Variants in SLC38A10 observed in about 807,000 individuals in gnomAD.
The protein encoded by SLC38A10 is solute carrier family 38 member 10.
In SLC38A10, 53 loss-of-function variants were observed where a neutral mutation model predicts 81.0. The ratio of observed to expected loss-of-function variants is 0.65; its 90% CI spans 0.53 to 0.82. The LOEUF (loss-of-function observed/expected upper bound fraction) is 0.82, where lower values mean the gene tolerates loss of function less well. SLC38A10 is among the 40% of genes least tolerant of loss of function. The pLI is 0.00. For missense variants in SLC38A10, 1,471 were observed against 1,545.0 expected (o/e 0.95, Z 0.80); for synonymous variants, 665 against 655.3 (o/e 1.01, Z -0.23).
chr17:81,254,848 C>G (rs905220295), intron 11 of SLC38A10, among the ~76,000 whole-genome samples: 3 of 151,814 alleles, frequency 2.0e-5, no homozygotes, highest in Non-Finnish European at 4.4e-5. Context: ...CATGCGGAAA[C>G]AAGCCATAAC....
At chr17:81,275,740 A>G (rs1405667457) in intron 8 of SLC38A10, among the ~76,000 whole-genome samples, 1 of 149,738 alleles carries the variant, frequency 6.7e-6, no homozygotes, top group Non-Finnish European at 1.5e-5. Flanking sequence ...TCAAAAAAAA[A>G]GAGAACTGTG....
chr17:81,273,520 T>G (rs2063135381), intron 8 of SLC38A10, among the ~76,000 whole-genome samples: 1 of 152,208 alleles, frequency 6.6e-6, no homozygotes, highest in Non-Finnish European at 1.5e-5. Context: ...CTCCCTGGGC[T>G]AGGAAACAAC....
intron 10 of SLC38A10, among the ~76,000 whole-genome samples, chr17:81,266,577 C>T (rs2063072035): frequency 6.6e-6 from 1 of 151,250 alleles, no homozygotes. Flanking sequence ...AGAGATCGTG[C>T]CACTGCACTC....
chr17:81,282,451 G>A (rs2063222941), intron 4 of SLC38A10, 119 bp from the exon 5 acceptor site: 1 of 1,384,712 alleles, frequency 7.2e-7, no homozygotes, highest in South Asian at 1.4e-5. Context: ...CCAGGTGAAT[G>A]ACGCCGGCGG....
chr17:81,270,347 G>A lies in SLC38A10; in HGVS notation c.1131+571C>T, dbSNP rs1442545228. 6.6e-6 allele frequency among the ~76,000 whole-genome samples: 1 copy of A among 152,220 alleles called. No individual in the cohort carries two copies. Among genetic ancestry groups the A allele is most frequent in the Non-Finnish European group, 1.5e-5 (1 of 68,044 alleles). On this transcript the variant is annotated intron_variant, in intron 10 of 15. Transcript: ENST00000374759. The surrounding 1 kb of genome is among the most constrained non-coding windows in gnomAD (Gnocchi z 4.0). ...CTGTCTGCAATAGCAAGACTGGAGAGGTGAGTCCTTCGGAGACTGGGATTA... is the reference window on the plus strand; with the variant it reads ...CTGTCTGCAATAGCAAGACTGGAGAAGTGAGTCCTTCGGAGACTGGGATTA...
intron 10 of SLC38A10, 78 bp from the exon 11 acceptor site, chr17:81,260,472 G>A: frequency 1.3e-6 from 2 of 1,494,468 alleles, no homozygotes; most frequent in Non-Finnish European, 1.8e-6. Flanking sequence ...TGGCCTGGCA[G>A]AGAGGCTCAG....
In SLC38A10 at chr17:81,252,651, G is replaced by T; in HGVS notation, c.1489C>A (p.His497Asn). 1 of 1,609,748 alleles carries T rather than the reference G, an allele frequency of 6.2e-7. No homozygotes were observed. The change falls in exon 13 of 16, where the codon CAC becomes AAC. Residue 497 changes from histidine (H) to asparagine (N), a missense_variant. Coordinates refer to ENST00000374759, the MANE Select transcript of SLC38A10 (RefSeq NM_001037984.3). ...TTGTCGTGAGGAACAGGAGGCTCGT[G>T]GCGGTGGGCCTCGCCCACAGGCACA... ...IAVPVGEAHR[H>N]EPPVPHDKVV... is the part of the protein sequence containing the mutation.
Position 81,251,549 on chromosome 17 carries a change from C to G in SLC38A10, c.2009G>C (p.Arg670Pro), listed in dbSNP as rs187258677. The change falls in exon 14 of 16, where the codon CGC becomes CCC. Residue 670 changes from arginine to proline, a missense_variant. Physicochemically the swap from Arg to Pro is moderately radical, Grantham distance 103 (BLOSUM62 -2). Transcript: ENST00000374759. ...APGPGLPPEP[R>P]EQRDVERAGG... ...CGCTCGCTCCACGTCCCTCTGCTCG[C>G]GAGGCTCGGGCGGCAGCCCAGGCCC... 1 of 1,526,052 alleles carries G rather than the reference C, an allele frequency of 6.6e-7. No homozygotes were observed. Among genetic ancestry groups the G allele is most frequent in the African/African-American group, 1.4e-5 (1 of 72,222 alleles). 94.5% of individuals were successfully genotyped at this position (1,526,052 alleles called of 1,614,324 possible). A position where few individuals can be genotyped will look rare whatever the true frequency, so the allele number is the denominator to read the frequency against.
At position 81,253,744 on chromosome 17, in the gene SLC38A10, ATCACCATCATCATCACCG is replaced by A. The variant is rs2062944097; in HGVS notation, c.1289-522_1289-505del. Among the ~76,000 whole-genome samples, 2 of 95,060 alleles carry A rather than the reference ATCACCATCATCATCACCG, an allele frequency of 2.1e-5. No homozygotes were observed. The highest frequency in any genetic ancestry group is 4.7e-5 in the Non-Finnish European group (2 of 42,200). The allele number at this position is 95,060 out of a possible 152,430, so 62.4% of individuals were successfully genotyped here. ...CATCACCATCTCCATCCCTACCACC[ATCACCATCATCATCACCG>A]TCACCATCATCACCATCTCCATCCC... On this transcript the variant is annotated intron_variant, in intron 11 of 15. Transcript: ENST00000374759. The surrounding 1 kb of genome is among the most constrained non-coding windows in gnomAD (Gnocchi z 4.1).
intron 6 of SLC38A10, among the ~76,000 whole-genome samples, chr17:81,278,263 A>AT (rs1360041870): frequency 8.5e-5 from 13 of 152,150 alleles, no homozygotes; most frequent in African/African-American, 2.9e-4. Flanking sequence ...CTGACACCCA[A>AT]ATACCAGCAC....
At position 81,257,966 on chromosome 17, in the gene SLC38A10, C is replaced by T. The variant is rs576733887; in HGVS notation, c.1288+2272G>A. ...GAACCCAGCCCTAGCCTTCAGGGTGCTAGAGAGAGCAGGTACGAACGGCCC... is the reference window on the plus strand; with the variant it reads ...GAACCCAGCCCTAGCCTTCAGGGTGTTAGAGAGAGCAGGTACGAACGGCCC... On this transcript the variant is annotated intron_variant, in intron 11 of 15. Transcript: ENST00000374759. Among the ~76,000 whole-genome samples the T allele has an allele frequency of 9.2e-5, 14 of 152,344 alleles. No individual in the cohort carries two copies. The South Asian group carries it at 1.7e-3, about 18-fold the overall frequency.
At chr17:81,254,247 A>C (rs974260083) in intron 11 of SLC38A10, among the ~76,000 whole-genome samples, 2 of 152,234 alleles carry the variant, frequency 1.3e-5, no homozygotes, top group Non-Finnish European at 2.9e-5. Flanking sequence ...ATAGGAGAAG[A>C]AAATGGGGAC....
rs778865077 is a variant in SLC38A10, at chr17:81,261,178, C to T, written c.1132-784G>A. On this transcript the variant is annotated intron_variant, in intron 10 of 15. Transcript: ENST00000374759. ...ATCGTAAGCATCACACGTGCCGCCT[C>T]GGTGACTCTGACAAACTGTACACTG... Among the ~76,000 whole-genome samples, 116 of 152,352 alleles carry T rather than the reference C, an allele frequency of 7.6e-4. 1 individual carries two copies. The highest frequency in any genetic ancestry group is 7.9e-4 in the African/African-American group (33 of 41,582).
In SLC38A10 at chr17:81,246,146, G is replaced by T; in HGVS notation, c.2770C>A (p.Pro924Thr). ...CTCACTTGCTTGGGCTTCATGCGAG[G>T]GTCCCCCGTCTCTGCTCCTGGCCCT... Reference protein sequence around the residue: ...VAGPGAETGDPRMKPKQVSRD... With the variant: ...VAGPGAETGDTRMKPKQVSRD... The change falls in exon 16 of 16, where the codon CCT (proline) becomes ACT (threonine). Residue 924 changes from proline to threonine, a missense_variant. Pro to Thr is a conservative substitution (Grantham distance 38, BLOSUM62 -1). Around this residue, in one of 2 missense-constraint regions of SLC38A10, gnomAD observed 751 missense variants for 717.4 expected, o/e 1.05. Transcript: ENST00000374759. The T allele has an allele frequency of 6.2e-7, 1 of 1,610,916 alleles. No individual in the cohort carries two copies. Among genetic ancestry groups the T allele is most frequent in the East Asian group, 2.2e-5 (1 of 44,876 alleles).
Position 81,276,270 on chromosome 17 carries a change from C to T in SLC38A10, c.730-119G>A. ...CTGCCCCCCAGAATGGCCTTCAATC[C>T]ACTTCATAATGAAGCTTCTGCAAGA... is the stretch of plus-strand genomic sequence containing the variant. On this transcript the variant is annotated intron_variant, in intron 7 of 15. Transcript: ENST00000374759. The surrounding 1 kb of genome is among the most constrained non-coding windows in gnomAD (Gnocchi z 4.7). 3.4e-6 allele frequency: 3 copies of T among 879,024 alleles called. No individual in the cohort carries two copies. The African/African-American group carries it at 5.1e-5, about 15-fold the overall frequency. The allele number at this position is 879,024 out of a possible 1,614,324, so 54.5% of individuals were successfully genotyped here. A position where few individuals can be genotyped will look rare whatever the true frequency, so the allele number is the denominator to read the frequency against.
In SLC38A10 at chr17:81,276,751, G is replaced by A. The variant is rs72850618; in HGVS notation, c.729+280C>T. 0.052 allele frequency among the ~76,000 whole-genome samples: 7,985 copies of A among 152,228 alleles called. 276 individuals carry two copies. The highest frequency in any genetic ancestry group is 0.082 in the Middle Eastern group (24 of 294). On this transcript the variant is annotated intron_variant, in intron 7 of 15. Coordinates refer to ENST00000374759, the MANE Select transcript of SLC38A10 (RefSeq NM_001037984.3). This position sits in a 1 kb window ranked among gnomAD's most constrained non-coding sequence, Gnocchi z 4.7. ...CTTGGAGAGAGAGTAAGAGTGGCTC[G>A]GATAAAGGGTTCTGGGAGCAGCCCT...
At chr17:81,251,455 T>C (rs777323652) in intron 14 of SLC38A10, 38 bp downstream of exon 14, 1 of 1,608,272 alleles carries the variant, frequency 6.2e-7, no homozygotes, top group East Asian at 2.2e-5. Context: ...TGCCGCTCCC[T>C]GGGCCTGAGG....
intron 2 of SLC38A10, chr17:81,285,175 C>T (rs151323053): frequency 0.019 from 6,257 of 321,844 alleles, 79 homozygotes; most frequent in Non-Finnish European, 0.025. Flanking sequence ...CAAGTCCCTG[C>T]GATGCAGTCC....
In SLC38A10 at chr17:81,270,886, C is replaced by T. The variant is rs374977037; in HGVS notation, c.1131+32G>A. ...TCTCCCCAGCCCAGACCCATCAGCC[C>T]TCGTCCAGGCCACCCCACGAGCAGC... On this transcript the variant is annotated intron_variant, in intron 10 of 15. Coordinates refer to ENST00000374759, the MANE Select transcript of SLC38A10 (RefSeq NM_001037984.3). The surrounding 1 kb of genome is among the most constrained non-coding windows in gnomAD (Gnocchi z 4.0). The T allele has an allele frequency of 3.9e-5, 62 of 1,600,602 alleles. No homozygotes were observed. The African/African-American group carries it at 7.2e-4, about 19-fold the overall frequency.
Sources: allele counts gnomAD v4.1 joint callset (sites outside exome capture counted in the v4.1 genomes callset), GRCh38; gene constraint gnomAD v4.1.1; regional missense constraint gnomAD v4.1.1; non-coding constraint Gnocchi (gnomAD v3.1); transcripts MANE v1.5; gene names NCBI Gene and HGNC (gene_info 2026-07-23, HGNC 2026-07-21).